Variants in HS3ST5 observed in about 807,000 individuals in gnomAD.
HS3ST5 encodes heparan sulfate-glucosamine 3-sulfotransferase 5.
In HS3ST5, 10 loss-of-function variants were observed where a neutral mutation model predicts 25.4. The ratio of observed to expected loss-of-function variants is 0.39; its 90% CI spans 0.24 to 0.67. The LOEUF (loss-of-function observed/expected upper bound fraction) is 0.67, where lower values mean the gene tolerates loss of function less well. HS3ST5 is among the 30% of genes least tolerant of loss of function. The pLI is 0.44. For missense variants in HS3ST5, 324 were observed against 420.7 expected, an observed-to-expected ratio of 0.77 and a Z score of 2.01; for synonymous variants, 170 against 162.4, an observed-to-expected ratio of 1.05 and a Z score of -0.36.
At chr6:114,087,292 C>T (rs535645654) in intron 3 of HS3ST5, among the ~76,000 whole-genome samples, 13 of 152,200 alleles carry the variant, frequency 8.5e-5, no homozygotes, top group Non-Finnish European at 1.6e-4. Context: ...TCTTCCTTCC[C>T]TGCATGATGC....
At chr6:114,077,436 G>T (rs1257241818) in intron 3 of HS3ST5, among the ~76,000 whole-genome samples, 5 of 152,168 alleles carry the variant, frequency 3.3e-5, no homozygotes, top group Admixed American at 3.3e-4. Context: ...ACAATTGTTA[G>T]TTTAGTAAAT....
intron 1 of HS3ST5, among the ~76,000 whole-genome samples, chr6:114,265,059 T>C (rs1773345754): frequency 6.6e-6 from 1 of 152,006 alleles, no homozygotes; most frequent in African/African-American, 2.4e-5. Context: ...TTTATTTTTA[T>C]TTTTTGGTAG....
chr6:114,261,447 A>C (rs970488874), intron 1 of HS3ST5, among the ~76,000 whole-genome samples: 1 of 152,138 alleles, frequency 6.6e-6, no homozygotes, highest in Admixed American at 6.5e-5. Context: ...CTGGCTGAGT[A>C]TATACTTGAT....
chr6:114,169,401 T>C (rs1482996333), intron 2 of HS3ST5, among the ~76,000 whole-genome samples: 1 of 152,214 alleles, frequency 6.6e-6, no homozygotes, highest in Admixed American at 6.5e-5. Flanking sequence ...CCTCTCTGAT[T>C]AACATACTTT....
intron 3 of HS3ST5, among the ~76,000 whole-genome samples, chr6:114,063,787 T>C (rs1397057895): frequency 6.6e-6 from 1 of 152,208 alleles, no homozygotes; most frequent in Non-Finnish European, 1.5e-5. Context: ...GGGAACCTGA[T>C]GTTTCCCTCC....
intron 2 of HS3ST5, among the ~76,000 whole-genome samples, chr6:114,202,985 A>C (rs1781098235): frequency 6.6e-6 from 1 of 152,212 alleles, no homozygotes; most frequent in African/African-American, 2.4e-5. Flanking sequence ...AGAATAGTTG[A>C]GGCATGGCCA....
At chr6:114,213,503 T>C (rs1249546809) in intron 2 of HS3ST5, among the ~76,000 whole-genome samples, 2 of 152,126 alleles carry the variant, frequency 1.3e-5, no homozygotes, top group Non-Finnish European at 1.5e-5. Flanking sequence ...CCCTTCCTCC[T>C]GTCTGTTATC....
intron 1 of HS3ST5, among the ~76,000 whole-genome samples, chr6:114,304,735 T>C (rs1775218870): frequency 6.6e-6 from 1 of 152,132 alleles, no homozygotes; most frequent in East Asian, 1.9e-4. Context: ...AAAATAACTG[T>C]CCTTTCCAAG....
At chr6:114,058,576 A>AG (rs1177704574) in intron 4 of HS3ST5, 1 of 169,756 alleles carries the variant, frequency 5.9e-6, no homozygotes, top group Non-Finnish European at 1.3e-5. Flanking sequence ...GGGAGGTGGA[A>AG]GGGTAGCAGG....
chr6:114,204,646 T>C (rs1247810801), intron 2 of HS3ST5, among the ~76,000 whole-genome samples: 1 of 152,216 alleles, frequency 6.6e-6, no homozygotes, highest in African/African-American at 2.4e-5. Flanking sequence ...GATTTACTTT[T>C]ATAGTATAAA....
chr6:114,143,391 C>A (rs368129959), intron 3 of HS3ST5, among the ~76,000 whole-genome samples: 108 of 152,226 alleles, frequency 7.1e-4, no homozygotes, highest in African/African-American at 2.4e-3. Context: ...CTATATATAA[C>A]CATTGTCTAA....
chr6:114,257,667 G>T (rs2114655024), intron 1 of HS3ST5, among the ~76,000 whole-genome samples: 1 of 152,140 alleles, frequency 6.6e-6, no homozygotes, highest in African/African-American at 2.4e-5. Flanking sequence ...AATAACTTTT[G>T]TCCACACTCC....
intron 3 of HS3ST5, among the ~76,000 whole-genome samples, chr6:114,099,393 G>A (rs1775613674): frequency 6.6e-6 from 1 of 152,094 alleles, no homozygotes; most frequent in Non-Finnish European, 1.5e-5. Context: ...TTTTAATGCA[G>A]AACTTTCAGT....
chr6:114,209,796 AGG>A (rs1176744492), intron 2 of HS3ST5, among the ~76,000 whole-genome samples: 1 of 152,192 alleles, frequency 6.6e-6, no homozygotes, highest in East Asian at 1.9e-4. Flanking sequence ...GAGGGAAGAA[AGG>A]GAGTGAAAAT....
chr6:114,329,870 A>C (rs1362017430), intron 1 of HS3ST5, among the ~76,000 whole-genome samples: 1 of 152,198 alleles, frequency 6.6e-6, no homozygotes, highest in African/African-American at 2.4e-5. Flanking sequence ...ACATTATTTA[A>C]ATAGAATTAG....
At position 114,263,955 on chromosome 6, in the gene HS3ST5, T is replaced by C. The variant is rs531937244; in HGVS notation, c.-338-35177A>G. 8.7e-4 allele frequency among the ~76,000 whole-genome samples: 132 copies of C among 152,072 alleles called. 1 individual carries two copies. Among genetic ancestry groups the C allele is most frequent in the African/African-American group, 3.0e-3 (126 of 41,478 alleles). ...CATGGTATCTCAATCACATAAAGCA[T>C]AAAGAACATAAAGAGTCCCCACAAT... On this transcript the variant is annotated intron_variant, in intron 1 of 4. Transcript: ENST00000312719.
intron 1 of HS3ST5, among the ~76,000 whole-genome samples, chr6:114,329,775 C>A (rs895977945): frequency 2.6e-5 from 4 of 152,308 alleles, no homozygotes; most frequent in African/African-American, 9.6e-5. Flanking sequence ...TTATATCCAA[C>A]ACTCCAATAG....
intron 3 of HS3ST5, among the ~76,000 whole-genome samples, chr6:114,153,887 T>A (rs74626628): frequency 0.013 from 2,001 of 152,256 alleles, 38 homozygotes; most frequent in African/African-American, 0.04. Context: ...AGGTCAAGAT[T>A]ATTTTGCTTT....
chr6:114,179,171 C>A (rs1779852293), intron 2 of HS3ST5: 1 of 152,142 alleles, frequency 6.6e-6, no homozygotes, highest in South Asian at 2.1e-4. Context: ...GGTTTTTAAA[C>A]AGTTTTGTTT....
Sources: allele counts gnomAD v4.1 joint callset (sites outside exome capture counted in the v4.1 genomes callset), GRCh38; gene constraint gnomAD v4.1.1; transcripts MANE v1.5; gene names NCBI Gene and HGNC (gene_info 2026-07-23, HGNC 2026-07-21).